The following MLLT6 variants were observed in gnomAD, a reference collection of about 807,000 sequenced individuals.
MLLT6 encodes the protein protein AF-17.
Under a neutral mutation model 103.0 loss-of-function variants are expected in MLLT6, and 22 were observed. That is an observed-to-expected ratio of 0.21 (90% CI 0.15 to 0.31). The LOEUF is 0.31. Among genes scored for constraint, MLLT6 ranks in the 10% least tolerant of loss-of-function variants. MLLT6 has a pLI of 1.00. For synonymous variants in MLLT6, 606 were observed against 623.5 expected (o/e 0.97, Z 0.42); for missense variants, 1,199 against 1,441.7 (o/e 0.83, Z 2.73).
chr17:38,706,744 T>C, intron 1 of MLLT6: 1 of 428,596 alleles, frequency 2.3e-6, no homozygotes, highest in South Asian at 6.3e-5. Flanking sequence ...CTTCCCGCCC[T>C]GTTTGAAGTG....
rs996058528 is a variant in MLLT6, at chr17:38,719,582, A to G, written c.2008A>G (p.Met670Val). The G allele has an allele frequency of 3.7e-6, 6 of 1,606,102 alleles. No individual in the cohort carries two copies. The African/African-American group carries it at 6.7e-5, about 18-fold the overall frequency. The change falls in exon 13 of 20, where the codon ATG becomes GTG. Residue 670 changes from methionine to valine, a missense_variant and splice_region_variant. Met to Val is a conservative substitution (Grantham distance 21, BLOSUM62 1). Transcript: ENST00000621332. Reference sequence around the variant, plus strand: ...CTCCCCTCAGGAGAGTCTGTCTTCCATGTGAGGGAAGGGGCAGCCTGGAGG... The same window carrying G: ...CTCCCCTCAGGAGAGTCTGTCTTCCGTGTGAGGGAAGGGGCAGCCTGGAGG... ...GTSPQESLSS[M>V]SPISSLPALF...
At chr17:38,721,538 G>A (rs1267598274) in intron 16 of MLLT6, among the ~76,000 whole-genome samples, 2 of 152,186 alleles carry the variant, frequency 1.3e-5, no homozygotes, top group Non-Finnish European at 2.9e-5. Context: ...CTTAACCTGT[G>A]CAAGAATCAA....
rs898588582 is a variant in MLLT6 at position 38,726,680 on chromosome 17, C to T, written c.*1082C>T. 6.4e-5 allele frequency: 15 copies of T among 233,452 alleles called. No homozygotes were observed. The highest frequency in any genetic ancestry group is 1.1e-4 in the African/African-American group (5 of 45,350). 14.5% of individuals were successfully genotyped at this position (233,452 alleles called of 1,614,324 possible). A position where few individuals can be genotyped will look rare whatever the true frequency, so the allele number is the denominator to read the frequency against. On this transcript the variant is annotated 3_prime_UTR_variant, in exon 20 of 20. Coordinates refer to ENST00000621332, the MANE Select transcript of MLLT6 (RefSeq NM_005937.4). ...ACATGGTCTCAGGGCCCCCTTAGGG[C>T]CCCCTACCCCACTGATAGCTTCCTC... is the stretch of plus-strand genomic sequence containing the variant.
rs761775784 is a variant in MLLT6, at chr17:38,720,449, G to A, written c.2233G>A (p.Ala745Thr). The A allele has an allele frequency of 4.3e-6, 7 of 1,612,806 alleles. No homozygotes were observed. In the African/African-American group the frequency reaches 5.3e-5, roughly 12 times the overall value. ...GCAAGAGCAGATCCTGAGCCTGACG[G>A]CCAAAAAGGAGCGGCTGCAGATTCT... ...RLQEQILSLT[A>T]KKERLQILNV... Residue 745 changes from alanine to threonine, a missense_variant, in exon 15 of 20, where the codon GCC (alanine) becomes ACC (threonine). Around this residue, in one of 7 missense-constraint regions of MLLT6, gnomAD observed 1,034 missense variants for 1,091.5 expected, o/e 0.95. Coordinates refer to ENST00000621332, the MANE Select transcript of MLLT6 (RefSeq NM_005937.4).
In MLLT6 at chr17:38,728,707, C is replaced by T. The variant is rs761275317; in HGVS notation, c.*3109C>T. Reference sequence around the variant, plus strand: ...CCAGGACAAGCCCTCAGGACTGTGGCCTCCTGGCCCTTGGTTCCCCTGCCC... The same window carrying T: ...CCAGGACAAGCCCTCAGGACTGTGGTCTCCTGGCCCTTGGTTCCCCTGCCC... On this transcript the variant is annotated 3_prime_UTR_variant, in exon 20 of 20. Transcript: ENST00000621332. 49 of 234,064 alleles carry T rather than the reference C, an allele frequency of 2.1e-4. No homozygotes were observed. Among genetic ancestry groups the T allele is most frequent in the Non-Finnish European group, 3.5e-4 (41 of 118,404 alleles). The allele number at this position is 234,064 out of a possible 1,614,324, so 14.5% of individuals were successfully genotyped here.
chr17:38,715,252 C>T lies in MLLT6; in HGVS notation c.820-360C>T, dbSNP rs370148053. The stretch of plus-strand genomic sequence containing the variant: ...GCCTCGCCACTTCCAGCATAGGTCC[C>T]GCCTTCTTAGACGCCCTAAGTATTC... On this transcript the variant is annotated intron_variant, in intron 8 of 19. Transcript: ENST00000621332. 174 of 197,350 alleles carry T rather than the reference C, an allele frequency of 8.8e-4. 4 individuals carry two copies. In the South Asian group the frequency reaches 0.018, roughly 20 times the overall value. 12.2% of individuals were successfully genotyped at this position (197,350 alleles called of 1,614,324 possible).
At chr17:38,725,410 G>A (rs1905971783) in intron 19 of MLLT6, 147 bp from the exon 20 acceptor site, 1 of 712,386 alleles carries the variant, frequency 1.4e-6, no homozygotes, top group East Asian at 2.9e-5. Flanking sequence ...CGGCCCTGGT[G>A]CACACCCCTC....
At chr17:38,723,665 C>T (rs1229961406) in intron 18 of MLLT6, among the ~76,000 whole-genome samples, 2 of 151,804 alleles carry the variant, frequency 1.3e-5, no homozygotes, top group Non-Finnish European at 2.9e-5. Context: ...ATTAAGAATG[C>T]TTTGCCTATT....
At chr17:38,719,619 G>T (rs760176106) in intron 13 of MLLT6, 36 bp downstream of exon 13, 1 of 1,582,780 alleles carries the variant, frequency 6.3e-7, no homozygotes. Context: ...GGGGCTGGGG[G>T]CAGGAGGGAC....
chr17:38,729,778 C>CAAAAA lies in MLLT6; in HGVS notation c.*4193_*4197dup. The CAAAAA allele has an allele frequency of 1.7e-5, 2 of 117,572 alleles. No homozygotes were observed. The highest frequency in any genetic ancestry group is 7.5e-5 in the African/African-American group (2 of 26,808). 7.3% of individuals were successfully genotyped at this position (117,572 alleles called of 1,614,324 possible). On this transcript the variant is annotated 3_prime_UTR_variant, in exon 20 of 20. Transcript: ENST00000621332. ...GTTCTTTTAATAAAAGAATGTTTTG[C>CAAAAA]AAAAAAAAAAAAAAAAATCCGAAGA...
chr17:38,729,480 G>A lies in MLLT6; in HGVS notation c.*3882G>A, dbSNP rs1567934359. 2 of 233,574 alleles carry A rather than the reference G, an allele frequency of 8.6e-6. No individual in the cohort carries two copies. The highest frequency in any genetic ancestry group is 1.2e-4 in the East Asian group (2 of 16,576). 14.5% of individuals were successfully genotyped at this position (233,574 alleles called of 1,614,324 possible). On this transcript the variant is annotated 3_prime_UTR_variant, in exon 20 of 20. Transcript: ENST00000621332. ...CTCCAGCTCAACTTGGGACTTGGGTGGTGGGACTGGAGACCTCACCCCTGC... is the reference window on the plus strand; with the variant it reads ...CTCCAGCTCAACTTGGGACTTGGGTAGTGGGACTGGAGACCTCACCCCTGC...
In MLLT6 at chr17:38,719,757, A is replaced by C. The variant is rs1388681338; in HGVS notation, c.2017A>C (p.Ile673Leu). The change falls in exon 14 of 20, where the codon ATC becomes CTC. Residue 673 changes from isoleucine to leucine, a missense_variant. Coordinates refer to ENST00000621332, the MANE Select transcript of MLLT6 (RefSeq NM_005937.4). Reference sequence around the variant, plus strand: ...GGTTCCCTCTGGCCGCAGGTCCCCCATCAGCAGCCTCCCCGCACTCTTCGA... The same window carrying C: ...GGTTCCCTCTGGCCGCAGGTCCCCCCTCAGCAGCCTCCCCGCACTCTTCGA... ...PQESLSSMSP[I>L]SSLPALFDQT... The C allele has an allele frequency of 6.2e-7, 1 of 1,609,648 alleles. No individual in the cohort carries two copies. The highest frequency in any genetic ancestry group is 1.7e-5 in the Admixed American group (1 of 59,680).
At chr17:38,707,309 A>G (rs1173092077) in intron 2 of MLLT6, among the ~76,000 whole-genome samples, 177 bp from the exon 3 acceptor site, 1 of 152,128 alleles carries the variant, frequency 6.6e-6, no homozygotes, top group East Asian at 1.9e-4. Context: ...ACTATAATGA[A>G]TCTCATGTCC....
chr17:38,720,991 A>G (rs1905701872), intron 16 of MLLT6: 1 of 579,022 alleles, frequency 1.7e-6, no homozygotes, highest in Admixed American at 3.3e-5. Flanking sequence ...TACCCCAAGC[A>G]AAGAAGGAGT....
intron 16 of MLLT6, 145 bp downstream of exon 16, chr17:38,720,892 G>A (rs1406930301): frequency 1.4e-6 from 1 of 737,988 alleles, no homozygotes; most frequent in South Asian, 1.8e-5. Flanking sequence ...CCTTAATCAA[G>A]TAATATTTAT....
chr17:38,706,631 C>CG (rs1904936741), intron 1 of MLLT6: 1 of 274,208 alleles, frequency 3.6e-6, no homozygotes. Flanking sequence ...CTGGTTTTCT[C>CG]TATTTCTGAT....
At chr17:38,725,207 A>T in intron 19 of MLLT6, 1 of 530,050 alleles carries the variant, frequency 1.9e-6, no homozygotes, top group Non-Finnish European at 3.3e-6. Context: ...CAATTAGAAA[A>T]CAGCCTTCCT....
intron 7 of MLLT6, 158 bp downstream of exon 7, chr17:38,712,172 G>T: frequency 3.2e-6 from 3 of 949,996 alleles, no homozygotes; most frequent in Non-Finnish European, 3.8e-6. Flanking sequence ...AAATGAAACG[G>T]TGGGGGGGTG....
At position 38,721,379 on chromosome 17, in the gene MLLT6, A is replaced by G. The variant is rs556708608; in HGVS notation, c.2443-499A>G. Among the ~76,000 whole-genome samples, 23 of 152,328 alleles carry G rather than the reference A, an allele frequency of 1.5e-4. No individual in the cohort carries two copies. The South Asian group carries it at 1.7e-3, about 11-fold the overall frequency. ...TTCATTTAGTCTTCATAGTAAGCCTATGGAATAGGTACTACTGTTACCCCC... is the reference window on the plus strand; with the variant it reads ...TTCATTTAGTCTTCATAGTAAGCCTGTGGAATAGGTACTACTGTTACCCCC... On this transcript the variant is annotated intron_variant, in intron 16 of 19. Coordinates refer to ENST00000621332, the MANE Select transcript of MLLT6 (RefSeq NM_005937.4).
Sources: gnomAD v4.1 joint callset for allele counts (sites outside exome capture counted in the v4.1 genomes callset) on GRCh38, gnomAD v4.1.1 for gene constraint, gnomAD v4.1.1 regional missense constraint, MANE v1.5 for transcripts, NCBI Gene and HGNC (gene_info 2026-07-23, HGNC 2026-07-21) for gene names.